The following SUV39H2 variants were observed in gnomAD, a reference collection of about 807,000 sequenced individuals.
SUV39H2 encodes SUV39H2 histone lysine methyltransferase.
In SUV39H2, 10 loss-of-function variants were observed where a neutral mutation model predicts 47.5. The ratio of observed to expected loss-of-function variants is 0.21; its 90% CI spans 0.13 to 0.36. The LOEUF is 0.36. Among genes scored for constraint, SUV39H2 ranks in the 10% least tolerant of loss-of-function variants. SUV39H2 has a pLI of 1.00. For synonymous variants in SUV39H2, 159 were observed against 166.8 expected, an observed-to-expected ratio of 0.95 and a Z score of 0.36; for missense variants, 266 against 487.4, an observed-to-expected ratio of 0.55 and a Z score of 4.28.
In SUV39H2 at chr10:14,894,478, C is replaced by A. The variant is rs1381441463; in HGVS notation, c.178-2368C>A. 1.8e-5 allele frequency among the ~76,000 whole-genome samples: 2 copies of A among 109,122 alleles called. 1 individual carries two copies. Among genetic ancestry groups the A allele is most frequent in the African/African-American group, 1.1e-4 (2 of 18,912 alleles). The allele number at this position is 109,122 out of a possible 152,430, so 71.6% of individuals were successfully genotyped here. On this transcript the variant is annotated intron_variant, in intron 2 of 5. Coordinates refer to ENST00000354919, the MANE Select transcript of SUV39H2 (RefSeq NM_001193424.2). ...CGCCTCCCGGGTTCACGCCATTCTCCTGCCTCAGCCTCCCGTGTAGCTGGG... is the reference window on the plus strand; with the variant it reads ...CGCCTCCCGGGTTCACGCCATTCTCATGCCTCAGCCTCCCGTGTAGCTGGG...
chr10:14,898,104 A>AT (rs1489884725), intron 3 of SUV39H2: 2 of 150,882 alleles, frequency 1.3e-5, no homozygotes, highest in Non-Finnish European at 3.0e-5. Flanking sequence ...ATATATATAT[A>AT]AATGTAAAAA....
chr10:14,899,993 TAA>T (rs1833886646), intron 4 of SUV39H2, among the ~76,000 whole-genome samples: 2 of 152,184 alleles, frequency 1.3e-5, no homozygotes, highest in African/African-American at 4.8e-5. Context: ...GCAGAGCAAT[TAA>T]GAGGTAAAAT....
chr10:14,886,410 A>G (rs1287727590), intron 2 of SUV39H2, among the ~76,000 whole-genome samples: 2 of 152,176 alleles, frequency 1.3e-5, no homozygotes, highest in Admixed American at 1.3e-4. Context: ...AACTTGTCGC[A>G]CTTTATGGTC....
At chr10:14,892,984 G>A (rs79713686) in intron 2 of SUV39H2, among the ~76,000 whole-genome samples, 3,178 of 147,850 alleles carry the variant, frequency 0.021, 101 homozygotes, top group East Asian at 0.15. Flanking sequence ...CCACCATGCC[G>A]AGCTAATTTT....
chr10:14,888,386 A>G (rs1431792967), intron 2 of SUV39H2, among the ~76,000 whole-genome samples: 8 of 152,118 alleles, frequency 5.3e-5, no homozygotes, highest in Non-Finnish European at 1.0e-4. Flanking sequence ...CTGTAATCCC[A>G]GCACTTTGGG....
chr10:14,884,257 C>T (rs1833137469), intron 2 of SUV39H2, among the ~76,000 whole-genome samples: 1 of 152,192 alleles, frequency 6.6e-6, no homozygotes, highest in African/African-American at 2.4e-5. Flanking sequence ...CTGCCAGACT[C>T]TTTTCCAAAG....
rs748476490 is a variant in SUV39H2, at chr10:14,902,546, A to AT, written c.*41dup. On this transcript the variant is annotated 3_prime_UTR_variant, in exon 6 of 6. Coordinates refer to ENST00000354919, the MANE Select transcript of SUV39H2 (RefSeq NM_001193424.2). ...AGGAAATAGAGCTGATGATTATAAT[A>AT]TTTTTTTCCTAATGTTAACATTTTT... The AT allele has an allele frequency of 3.7e-6, 5 of 1,347,616 alleles. No homozygotes were observed. In the African/African-American group the frequency reaches 4.5e-5, roughly 12 times the overall value. The allele number at this position is 1,347,616 out of a possible 1,614,324, so 83.5% of individuals were successfully genotyped here. A position where few individuals can be genotyped will look rare whatever the true frequency, so the allele number is the denominator to read the frequency against.
Position 14,878,906 on chromosome 10 carries a change from C to G in SUV39H2, c.18C>G (p.Ala6=). 1 of 1,481,764 alleles carries G rather than the reference C, an allele frequency of 6.7e-7. No homozygotes were observed. The highest frequency in any genetic ancestry group is 9.0e-7 in the Non-Finnish European group (1 of 1,114,306). 91.8% of individuals were successfully genotyped at this position (1,481,764 alleles called of 1,614,324 possible). Residue 6 remains alanine (A), a synonymous_variant, in exon 1 of 6, where the codon GCC becomes GCG. Coordinates refer to ENST00000354919, the MANE Select transcript of SUV39H2 (RefSeq NM_001193424.2). ...TCTACAAGATGGCGGCGGTCGGGGC[C>G]GAGGCGCGAGGAGGTGAGGCTGGAG... MAAVG[A]EARGAWCVPC...
intron 4 of SUV39H2, among the ~76,000 whole-genome samples, chr10:14,900,046 C>A (rs193296392): frequency 6.6e-6 from 1 of 152,172 alleles, no homozygotes; most frequent in Non-Finnish European, 1.5e-5. Flanking sequence ...TGGAAGTTAA[C>A]ACGACTACAT....
At chr10:14,889,126 G>A (rs1353156249) in intron 2 of SUV39H2, among the ~76,000 whole-genome samples, 3 of 151,978 alleles carry the variant, frequency 2.0e-5, no homozygotes, top group Middle Eastern at 3.4e-3. Flanking sequence ...AAAATTAACC[G>A]GAGGTAAGAA....
At chr10:14,886,286 G>A (rs1438523994) in intron 2 of SUV39H2, among the ~76,000 whole-genome samples, 2 of 152,166 alleles carry the variant, frequency 1.3e-5, no homozygotes, top group Non-Finnish European at 2.9e-5. Context: ...AGCCTGCACA[G>A]TTCAGTGCAT....
At position 14,878,912 on chromosome 10, in the gene SUV39H2, G is replaced by A. The variant is rs749042265; in HGVS notation, c.24G>A (p.Ala8=). The A allele has an allele frequency of 1.4e-6, 2 of 1,479,578 alleles. No homozygotes were observed. The highest frequency in any genetic ancestry group is 1.4e-5 in the South Asian group (1 of 74,062). The allele number at this position is 1,479,578 out of a possible 1,614,324, so 91.7% of individuals were successfully genotyped here. Residue 8 remains alanine (A), a synonymous_variant, in exon 1 of 6, where the codon GCG becomes GCA. Transcript: ENST00000354919. ...AGATGGCGGCGGTCGGGGCCGAGGC[G>A]CGAGGAGGTGAGGCTGGAGCGCGGC... is the stretch of plus-strand genomic sequence containing the variant. MAAVGAE[A]RGAWCVPCLV...
intron 2 of SUV39H2, among the ~76,000 whole-genome samples, chr10:14,888,980 G>A (rs547148728): frequency 1.8e-4 from 27 of 152,058 alleles, no homozygotes; most frequent in African/African-American, 6.3e-4. Flanking sequence ...GCACATTCGT[G>A]TCATCCCAGC....
In SUV39H2 at chr10:14,903,673, G is replaced by A. The variant is rs1195379625; in HGVS notation, c.*1161G>A. ...AATATATTAGTTTTCAAGGGAGTGGGAGGCTTCCAACATAGTATTGAATCT... is the reference window on the plus strand; with the variant it reads ...AATATATTAGTTTTCAAGGGAGTGGAAGGCTTCCAACATAGTATTGAATCT... On this transcript the variant is annotated 3_prime_UTR_variant, in exon 6 of 6. Coordinates refer to ENST00000354919, the MANE Select transcript of SUV39H2 (RefSeq NM_001193424.2). 2 of 152,150 alleles carry A rather than the reference G, an allele frequency of 1.3e-5. No individual in the cohort carries two copies. Among genetic ancestry groups the A allele is most frequent in the African/African-American group, 4.8e-5 (2 of 41,440 alleles). 9.4% of individuals were successfully genotyped at this position (152,150 alleles called of 1,614,324 possible).
intron 2 of SUV39H2, among the ~76,000 whole-genome samples, chr10:14,889,615 C>T (rs1389238538): frequency 1.3e-5 from 2 of 152,138 alleles, no homozygotes; most frequent in Admixed American, 6.5e-5. Context: ...GCAGTTAATG[C>T]CTGGTGGTTT....
At chr10:14,897,688 A>G in intron 3 of SUV39H2, 171 bp downstream of exon 3, 1 of 520,604 alleles carries the variant, frequency 1.9e-6, no homozygotes, top group Non-Finnish European at 3.0e-6. Flanking sequence ...ATTTAGAAAT[A>G]AAAAACTTTT....
At chr10:14,900,999 C>A in intron 4 of SUV39H2, 134 bp from the exon 5 acceptor site, 1 of 1,182,444 alleles carries the variant, frequency 8.5e-7, no homozygotes, top group Non-Finnish European at 1.2e-6. Flanking sequence ...GCCTCAAAGA[C>A]CTCTAAGCAA....
At chr10:14,883,049 A>G (rs1206884315) in intron 2 of SUV39H2, among the ~76,000 whole-genome samples, 2 of 151,786 alleles carry the variant, frequency 1.3e-5, no homozygotes, top group Non-Finnish European at 1.5e-5. Flanking sequence ...TGTATTTTTT[A>G]GTAGAGATGG....
intron 2 of SUV39H2, among the ~76,000 whole-genome samples, chr10:14,893,267 T>A (rs1230648180): frequency 1.3e-5 from 2 of 151,826 alleles, no homozygotes; most frequent in African/African-American, 2.4e-5. Context: ...CCTCCCAAAG[T>A]GCTGGGATTA....
Sources: allele counts gnomAD v4.1 joint callset (sites outside exome capture counted in the v4.1 genomes callset), GRCh38; gene constraint gnomAD v4.1.1; transcripts MANE v1.5; gene names NCBI Gene and HGNC (gene_info 2026-07-23, HGNC 2026-07-21).